LRP2: variants seen among roughly 807,000 people sequenced by gnomAD.
LRP2 encodes the protein LDL receptor related protein 2.
LRP2 carries 172 observed loss-of-function variants against 531.0 expected under a neutral mutation model. The ratio of observed to expected loss-of-function variants is 0.32; its 90% CI spans 0.29 to 0.37. LRP2 has a LOEUF of 0.37. Ranked by LOEUF, LRP2 falls within the 10% of genes least tolerant of loss-of-function variation. LRP2 has a pLI of 1.00. For synonymous variants in LRP2, 1,992 were observed against 2,027.6 expected (o/e 0.98, Z 0.47); for missense variants, 5,167 against 5,868.3 (o/e 0.88, Z 3.90).
Position 169,342,951 on chromosome 2 carries a change from C to T in LRP2, c.79+19370G>A, listed in dbSNP as rs115674907. ...AACTTTTGCAAGAGAGAAAACTCTT[C>T]ATTGACTGTGATTCTTACATGCTCT... On this transcript the variant is annotated intron_variant, in intron 1 of 78. Coordinates refer to ENST00000649046, the MANE Select transcript of LRP2 (RefSeq NM_004525.3). Among the ~76,000 whole-genome samples the T allele has an allele frequency of 7.8e-3, 1,187 of 152,282 alleles. 17 individuals carry two copies. The highest frequency in any genetic ancestry group is 0.027 in the African/African-American group (1,132 of 41,566).
At chr2:169,258,885 A>T (rs1203305322) in intron 17 of LRP2, 140 bp downstream of exon 17, 4 of 792,788 alleles carry the variant, frequency 5.0e-6, no homozygotes, top group Non-Finnish European at 8.2e-6. Context: ...AGGAAAAAAG[A>T]AATAAAATTT....
Position 169,140,479 on chromosome 2 carries a change from T to A in LRP2, c.13175A>T (p.Asp4392Val). 7 of 1,614,082 alleles carry A rather than the reference T, an allele frequency of 4.3e-6. No homozygotes were observed. Among genetic ancestry groups the A allele is most frequent in the Non-Finnish European group, 5.9e-6 (7 of 1,179,972 alleles). The change falls in exon 72 of 79, where the codon GAT (aspartate) becomes GTT (valine). Residue 4392 changes from aspartate (D) to valine (V), a missense_variant. By Grantham distance (152) the Asp-to-Val change is radical. This residue lies in a region of LRP2 where 348 missense variants were observed against 369.3 expected (regional missense o/e 0.94). Coordinates refer to ENST00000649046, the MANE Select transcript of LRP2 (RefSeq NM_004525.3). ...CTTGCATTTGGGGAGGTCAGTCTCATCAAAATAGCAATTTCCTCCGTGCAT... is the reference window on the plus strand; with the variant it reads ...CTTGCATTTGGGGAGGTCAGTCTCAACAAAATAGCAATTTCCTCCGTGCAT... ...RCMHGGNCYF[D>V]ETDLPKCKCP... is the part of the protein sequence containing the mutation.
chr2:169,132,060 G>A (rs781766753), intron 77 of LRP2, among the ~76,000 whole-genome samples: 33 of 152,088 alleles, frequency 2.2e-4, no homozygotes, highest in Non-Finnish European at 5.9e-5. Flanking sequence ...GGGGAATAAC[G>A]TTAGTTAGAT....
At chr2:169,319,260 C>T (rs947500158) in intron 2 of LRP2, among the ~76,000 whole-genome samples, 2 of 152,294 alleles carry the variant, frequency 1.3e-5, no homozygotes, top group South Asian at 2.1e-4. Flanking sequence ...TCATGATGAA[C>T]TGGAAAATTC....
At position 169,209,509 on chromosome 2, in the gene LRP2, A is replaced by G. The variant is rs1055554915; in HGVS notation, c.6413T>C (p.Val2138Ala). ...KPDGSSLMNIVTHGIGENGVR... is the reference protein window; with the variant it reads ...KPDGSSLMNIATHGIGENGVR... Reference sequence around the variant, plus strand: ...TCCATTTTCTCCTATTCCATGTGTCACAATGTTCATCAGAGAAGATCCATC... The same window carrying G: ...TCCATTTTCTCCTATTCCATGTGTCGCAATGTTCATCAGAGAAGATCCATC... Residue 2138 changes from valine (V) to alanine (A), a missense_variant, in exon 38 of 79, where the codon GTG (valine) becomes GCG (alanine). This residue lies in a region of LRP2 where 2,811 missense variants were observed against 3,058.0 expected (regional missense o/e 0.92). Transcript: ENST00000649046. 10 of 1,614,066 alleles carry G rather than the reference A, an allele frequency of 6.2e-6. No individual in the cohort carries two copies. The highest frequency in any genetic ancestry group is 1.3e-5 in the African/African-American group (1 of 74,938).
intron 48 of LRP2, among the ~76,000 whole-genome samples, chr2:169,191,524 TA>T (rs1237928594): frequency 6.6e-6 from 1 of 152,056 alleles, no homozygotes; most frequent in Non-Finnish European, 1.5e-5. Flanking sequence ...ATAAAAATAT[TA>T]AAAATTATAT....
chr2:169,268,350 A>G (rs998601732), intron 16 of LRP2, among the ~76,000 whole-genome samples: 1 of 152,202 alleles, frequency 6.6e-6, no homozygotes, highest in African/African-American at 2.4e-5. Flanking sequence ...TTGATGCAAA[A>G]ATCCTCAATA....
At chr2:169,239,898 C>T (rs1574168333) in intron 25 of LRP2, 123 bp from the exon 26 acceptor site, 1 of 833,888 alleles carries the variant, frequency 1.2e-6, no homozygotes, top group Admixed American at 2.0e-5. Context: ...CAGACAAGAG[C>T]TAAGTGCAGC....
chr2:169,299,154 A>AGAAG, intron 4 of LRP2, among the ~76,000 whole-genome samples: 1 of 13,738 alleles, frequency 7.3e-5, no homozygotes, highest in African/African-American at 1.3e-4. Context: ...AAAGAAAGAA[A>AGAAG]GAAAAAAAGA....
intron 9 of LRP2, among the ~76,000 whole-genome samples, chr2:169,283,212 A>G (rs1683753892): frequency 1.3e-5 from 2 of 152,192 alleles, no homozygotes; most frequent in South Asian, 4.1e-4. Flanking sequence ...AACCTACATG[A>G]AGGATAACTT....
At chr2:169,335,184 TTTC>T (rs2105545934) in intron 1 of LRP2, among the ~76,000 whole-genome samples, 1 of 152,338 alleles carries the variant, frequency 6.6e-6, no homozygotes, top group Non-Finnish European at 1.5e-5. Context: ...TTATGTTTAT[TTTC>T]TTGTTTATAT....
chr2:169,319,686 T>C (rs910705866), intron 2 of LRP2, among the ~76,000 whole-genome samples: 1 of 152,150 alleles, frequency 6.6e-6, no homozygotes, highest in Non-Finnish European at 1.5e-5. Context: ...ACAAATATAG[T>C]TTAGTCCCTT....
At chr2:169,310,444 G>A (rs936832769) in intron 3 of LRP2, among the ~76,000 whole-genome samples, 21 of 152,162 alleles carry the variant, frequency 1.4e-4, no homozygotes, top group South Asian at 6.2e-4. Context: ...CCTTTTCTGC[G>A]TCTATTGAGA....
chr2:169,348,462 C>T (rs1685755957), intron 1 of LRP2, among the ~76,000 whole-genome samples: 1 of 152,144 alleles, frequency 6.6e-6, no homozygotes, highest in Non-Finnish European at 1.5e-5. Context: ...ATGTTCTTTC[C>T]ACCACAATCC....
chr2:169,154,097 C>T (rs770662299), intron 66 of LRP2, among the ~76,000 whole-genome samples: 37 of 152,270 alleles, frequency 2.4e-4, no homozygotes, highest in Middle Eastern at 3.4e-3. Context: ...GAAGTTGTCA[C>T]AGAGGTGGTG....
intron 36 of LRP2, among the ~76,000 whole-genome samples, chr2:169,212,529 A>G (rs1036997595): frequency 6.6e-6 from 1 of 152,182 alleles, no homozygotes; most frequent in Non-Finnish European, 1.5e-5. Flanking sequence ...CACTTAAAAT[A>G]ATATGTTCAG....
At chr2:169,191,191 A>T (rs1461377397) in intron 48 of LRP2, among the ~76,000 whole-genome samples, 1 of 152,222 alleles carries the variant, frequency 6.6e-6, no homozygotes, top group African/African-American at 2.4e-5. Flanking sequence ...CTTCTGCATG[A>T]TATTGATCAA....
At chr2:169,145,672 C>T in intron 70 of LRP2, 75 bp downstream of exon 70, 2 of 1,424,504 alleles carry the variant, frequency 1.4e-6, no homozygotes, top group Non-Finnish European at 2.0e-6. Context: ...CTGCCATCTT[C>T]CAGCAATATA....
chr2:169,311,015 G>A (rs1684582036), intron 3 of LRP2, among the ~76,000 whole-genome samples: 1 of 152,082 alleles, frequency 6.6e-6, no homozygotes, highest in South Asian at 2.1e-4. Flanking sequence ...TTCTCTGATG[G>A]TAGTTTGTAT....
Sources: gnomAD v4.1 joint callset for allele counts (sites outside exome capture counted in the v4.1 genomes callset) on GRCh38, gnomAD v4.1.1 for gene constraint, gnomAD v4.1.1 regional missense constraint, MANE v1.5 for transcripts, NCBI Gene and HGNC (gene_info 2026-07-23, HGNC 2026-07-21) for gene names.